PUM3: variants seen among roughly 807,000 people sequenced by gnomAD.
PUM3 encodes the protein pumilio homolog 3.
Under a neutral mutation model 84.0 loss-of-function variants are expected in PUM3, and 91 were observed. The ratio of observed to expected loss-of-function variants is 1.08; its 90% CI spans 0.91 to 1.29. The LOEUF (loss-of-function observed/expected upper bound fraction) is 1.29, where lower values mean the gene tolerates loss of function less well. Ranked by LOEUF, PUM3 falls within the 50% of genes most tolerant of loss-of-function variation. The probability of loss-of-function intolerance (pLI) is 0.00; values close to 1 mark genes in which losing one functional copy is unlikely to be tolerated. For synonymous variants in PUM3, 321 were observed against 266.7 expected (o/e 1.20, Z -1.98); for missense variants, 1,067 against 767.5 (o/e 1.39, Z -4.61).
intron 17 of PUM3, among the ~76,000 whole-genome samples, chr9:2,806,664 AT>A (rs1470859187): frequency 6.6e-6 from 1 of 152,192 alleles, no homozygotes; most frequent in Non-Finnish European, 1.5e-5. Context: ...TGTATGGAAA[AT>A]TTCAATGATT....
Position 2,831,390 on chromosome 9 carries a change from T to C in PUM3, c.517-46A>G, listed in dbSNP as rs757176740. Reference sequence around the variant, plus strand: ...TAGACTAATTCTCTTTTGAGACTTATGTTTCTCACTAATTTATTGTGACCT... The same window carrying C: ...TAGACTAATTCTCTTTTGAGACTTACGTTTCTCACTAATTTATTGTGACCT... On this transcript the variant is annotated intron_variant, in intron 5 of 17. Transcript: ENST00000397885. The C allele has an allele frequency of 5.3e-5, 62 of 1,176,132 alleles. 2 individuals carry two copies. The East Asian group carries it at 1.1e-3, about 21-fold the overall frequency. 72.9% of individuals were successfully genotyped at this position (1,176,132 alleles called of 1,614,324 possible).
At chr9:2,811,310 A>T in intron 15 of PUM3, 51 bp downstream of exon 15, 2 of 1,554,304 alleles carry the variant, frequency 1.3e-6, no homozygotes, top group Admixed American at 3.4e-5. Flanking sequence ...CCAAAAACGA[A>T]GTTTTTGTGG....
At chr9:2,840,950 C>T (rs1023141375) in intron 1 of PUM3, among the ~76,000 whole-genome samples, 2 of 152,204 alleles carry the variant, frequency 1.3e-5, no homozygotes, top group Admixed American at 6.5e-5. Context: ...CAGACAGATT[C>T]AGGAAACACA....
intron 12 of PUM3, 136 bp from the exon 13 acceptor site, chr9:2,820,234 G>A: frequency 2.0e-6 from 1 of 511,516 alleles, no homozygotes; most frequent in East Asian, 2.9e-5. Flanking sequence ...TACCTACATT[G>A]ACAACTTGTC....
intron 10 of PUM3, among the ~76,000 whole-genome samples, chr9:2,825,587 A>G (rs1031917601): frequency 1.8e-4 from 28 of 151,944 alleles, no homozygotes; most frequent in Admixed American, 3.9e-4. Flanking sequence ...GGTTCAAGCA[A>G]TTCTCCTGCC....
intron 13 of PUM3, among the ~76,000 whole-genome samples, chr9:2,818,865 T>C (rs1039944818): frequency 9.9e-5 from 15 of 152,284 alleles, no homozygotes; most frequent in African/African-American, 3.6e-4. Context: ...CTCCACTAGC[T>C]GGTATACTTT....
rs1040302581 is a variant in PUM3 at position 2,833,274 on chromosome 9, A to T, written c.516+83T>A. The T allele has an allele frequency of 5.4e-5, 34 of 629,376 alleles. No individual in the cohort carries two copies. The Middle Eastern group carries it at 7.7e-4, about 14-fold the overall frequency. The allele number at this position is 629,376 out of a possible 1,614,324, so 39.0% of individuals were successfully genotyped here. On this transcript the variant is annotated intron_variant, in intron 5 of 17. Transcript: ENST00000397885. ...ATACACCGGAAACAATGATAAGATC[A>T]TCTGTCATGAATGGTCAGCTACTCC...
intron 12 of PUM3, 142 bp downstream of exon 12, chr9:2,823,639 T>G: frequency 2.2e-6 from 1 of 449,152 alleles, no homozygotes; most frequent in Non-Finnish European, 4.0e-6. Flanking sequence ...AATATGAAAA[T>G]ACATGTAGAT....
Position 2,827,069 on chromosome 9 carries a change from T to G in PUM3, c.1035+4A>C. On this transcript the variant is annotated splice_donor_region_variant and intron_variant, in intron 10 of 17. Coordinates refer to ENST00000397885, the MANE Select transcript of PUM3 (RefSeq NM_014878.5). Reference sequence around the variant, plus strand: ...TAGTTTAAAAACAAAAACCAAGAACTTACTGATCTGAGTTTGGGGGGTGCA... The same window carrying G: ...TAGTTTAAAAACAAAAACCAAGAACGTACTGATCTGAGTTTGGGGGGTGCA... 6.2e-7 allele frequency: 1 copy of G among 1,605,422 alleles called. No individual in the cohort carries two copies. The highest frequency in any genetic ancestry group is 1.3e-5 in the African/African-American group (1 of 74,582).
intron 17 of PUM3, among the ~76,000 whole-genome samples, chr9:2,807,600 C>CAAAAAAAA (rs71329449): frequency 4.5e-5 from 3 of 67,090 alleles, no homozygotes; most frequent in Non-Finnish European, 5.0e-5. Context: ...GACTCCATCT[C>CAAAAAAAA]AAAAAAAAAA....
chr9:2,812,354 G>A lies in PUM3; in HGVS notation c.1278C>T (p.Ile426=). The A allele has an allele frequency of 6.4e-7, 1 of 1,559,034 alleles. No individual in the cohort carries two copies. Among genetic ancestry groups the A allele is most frequent in the South Asian group, 1.2e-5 (1 of 85,562 alleles). ...CATTTACTATGCTAGGCAATGAACTGATAATTTCCTATAAAATTATAAACA... is the reference window on the plus strand; with the variant it reads ...CATTTACTATGCTAGGCAATGAACTAATAATTTCCTATAAAATTATAAACA... ...LVKQIIISEI[I]SSLPSIVNDK... The change falls in exon 14 of 18, where the codon ATC becomes ATT. Residue 426 remains isoleucine, a synonymous_variant. Transcript: ENST00000397885.
chr9:2,834,202 A>G (rs769438463), intron 3 of PUM3, 36 bp from the exon 4 acceptor site: 2 of 1,578,450 alleles, frequency 1.3e-6, no homozygotes, highest in South Asian at 2.3e-5. Flanking sequence ...ATTACATTTA[A>G]CATTCTAAGT....
In PUM3 at chr9:2,819,969, A is replaced by G. The variant is rs1219334683; in HGVS notation, c.1269+49T>C. 1.2e-5 allele frequency: 15 copies of G among 1,247,686 alleles called. 1 individual carries two copies. The highest frequency in any genetic ancestry group is 1.8e-5 in the Non-Finnish European group (15 of 853,280). 77.3% of individuals were successfully genotyped at this position (1,247,686 alleles called of 1,614,324 possible). A position where few individuals can be genotyped will look rare whatever the true frequency, so the allele number is the denominator to read the frequency against. On this transcript the variant is annotated intron_variant, in intron 13 of 17. Transcript: ENST00000397885. Reference sequence around the variant, plus strand: ...GGTGAAATCAAGCTTACACATCCACAACTGGTTTATCGATGTAACTTAAAT... The same window carrying G: ...GGTGAAATCAAGCTTACACATCCACGACTGGTTTATCGATGTAACTTAAAT...
chr9:2,819,962 C>T lies in PUM3; in HGVS notation c.1269+56G>A, dbSNP rs533591931. ...CATGCATGGTGAAATCAAGCTTACACATCCACAACTGGTTTATCGATGTAA... is the reference window on the plus strand; with the variant it reads ...CATGCATGGTGAAATCAAGCTTACATATCCACAACTGGTTTATCGATGTAA... On this transcript the variant is annotated intron_variant, in intron 13 of 17. Coordinates refer to ENST00000397885, the MANE Select transcript of PUM3 (RefSeq NM_014878.5). The T allele has an allele frequency of 4.6e-5, 53 of 1,151,058 alleles. No individual in the cohort carries two copies. The South Asian group carries it at 6.0e-4, about 13-fold the overall frequency. 71.3% of individuals were successfully genotyped at this position (1,151,058 alleles called of 1,614,324 possible). A position where few individuals can be genotyped will look rare whatever the true frequency, so the allele number is the denominator to read the frequency against.
intron 10 of PUM3, among the ~76,000 whole-genome samples, chr9:2,825,726 C>T (rs965432999): frequency 2.6e-5 from 4 of 152,044 alleles, no homozygotes; most frequent in Admixed American, 2.0e-4. Context: ...GTGATCTGCC[C>T]GCCTCGGGTT....
rs900369163 is a variant in PUM3, at chr9:2,816,619, G to A, written c.1269+3399C>T. Among the ~76,000 whole-genome samples the A allele has an allele frequency of 6.4e-4, 97 of 152,174 alleles. 1 individual carries two copies. The highest frequency in any genetic ancestry group is 2.1e-3 in the African/African-American group (89 of 41,434). On this transcript the variant is annotated intron_variant, in intron 13 of 17. Coordinates refer to ENST00000397885, the MANE Select transcript of PUM3 (RefSeq NM_014878.5). The stretch of plus-strand genomic sequence containing the variant: ...TGGTGCCCACCACCTTGCAGAGGGT[G>A]TGTGCTCTCGCCATTTCCTACAGTC...
intron 2 of PUM3, among the ~76,000 whole-genome samples, chr9:2,838,192 C>T (rs1035103790): frequency 6.6e-6 from 1 of 152,148 alleles, no homozygotes; most frequent in Admixed American, 6.5e-5. Flanking sequence ...GAGGCAACAG[C>T]AGCAACAACT....
chr9:2,843,119 G>A (rs1816311511), intron 1 of PUM3, among the ~76,000 whole-genome samples: 1 of 152,048 alleles, frequency 6.6e-6, no homozygotes, highest in Admixed American at 6.5e-5. Flanking sequence ...AGTCTTCAAT[G>A]TTTTCTACAC....
At chr9:2,826,381 C>G (rs552951878) in intron 10 of PUM3, among the ~76,000 whole-genome samples, 4 of 152,236 alleles carry the variant, frequency 2.6e-5, no homozygotes, top group Admixed American at 1.3e-4. Context: ...CATAAGCTTA[C>G]GTGGGTGGCT....
Sources: gnomAD v4.1 joint callset for allele counts (sites outside exome capture counted in the v4.1 genomes callset) on GRCh38, gnomAD v4.1.1 for gene constraint, MANE v1.5 for transcripts, NCBI Gene and HGNC (gene_info 2026-07-23, HGNC 2026-07-21) for gene names.